The following SENP7 variants were observed in gnomAD, a reference collection of about 807,000 sequenced individuals.
The protein encoded by SENP7 is SUMO specific peptidase 7, also known as sentrin-specific protease 7.
Under a neutral mutation model 141.2 loss-of-function variants are expected in SENP7, and 64 were observed. The ratio of observed to expected loss-of-function variants is 0.45; its 90% confidence interval spans 0.37 to 0.56. The LOEUF is 0.56. Among genes scored for constraint, SENP7 ranks in the 20% least tolerant of loss-of-function variants. The pLI is 0.00. For synonymous variants in SENP7, 382 were observed against 426.4 expected (o/e 0.90, Z 1.28); for missense variants, 1,025 against 1,212.2 (o/e 0.85, Z 2.29).
chr3:101,497,119 G>A (rs957059798), intron 2 of SENP7, among the ~76,000 whole-genome samples: 7 of 152,180 alleles, frequency 4.6e-5, no homozygotes, highest in Non-Finnish European at 1.0e-4. Context: ...TAGATAATGA[G>A]AGACAGAAAA....
intron 3 of SENP7, among the ~76,000 whole-genome samples, chr3:101,467,310 A>G (rs2063795047): frequency 6.6e-6 from 1 of 152,246 alleles, no homozygotes; most frequent in Non-Finnish European, 1.5e-5. Flanking sequence ...TCCCTGTCTG[A>G]CAGCTCTGAA....
At chr3:101,430,857 T>G (rs1191510288) in intron 4 of SENP7, among the ~76,000 whole-genome samples, 1 of 152,232 alleles carries the variant, frequency 6.6e-6, no homozygotes, top group African/African-American at 2.4e-5. Flanking sequence ...TTTAAATGTG[T>G]CCCAGAGATT....
At chr3:101,403,308 T>C (rs917056512) in intron 5 of SENP7, among the ~76,000 whole-genome samples, 1 of 152,242 alleles carries the variant, frequency 6.6e-6, no homozygotes, top group African/African-American at 2.4e-5. Context: ...AATTTTACTA[T>C]TTTTCCCTAC....
chr3:101,415,838 T>C (rs1392904384), intron 5 of SENP7, among the ~76,000 whole-genome samples: 1 of 152,220 alleles, frequency 6.6e-6, no homozygotes, highest in Non-Finnish European at 1.5e-5. Context: ...AACTTATTAC[T>C]TGAAGTGATA....
intron 4 of SENP7, chr3:101,457,330 CT>C: frequency 7.1e-7 from 1 of 1,410,158 alleles, no homozygotes; most frequent in Non-Finnish European, 1.0e-6. Context: ...GCAAGTGGTG[CT>C]TTTCCATCCA....
chr3:101,486,490 T>G (rs2064734493), intron 3 of SENP7, among the ~76,000 whole-genome samples: 2 of 152,208 alleles, frequency 1.3e-5, no homozygotes, highest in South Asian at 4.1e-4. Flanking sequence ...ACAAGAATTC[T>G]GTATCCAACG....
chr3:101,394,637 C>T (rs1325589284), intron 6 of SENP7, among the ~76,000 whole-genome samples: 3 of 151,988 alleles, frequency 2.0e-5, no homozygotes, highest in African/African-American at 4.8e-5. Flanking sequence ...CTCAGCCTCC[C>T]GAGTAGCTGG....
chr3:101,492,361 C>G (rs1269564170), intron 3 of SENP7, among the ~76,000 whole-genome samples: 1 of 151,506 alleles, frequency 6.6e-6, no homozygotes, highest in South Asian at 2.1e-4. Context: ...GGTGACAGAG[C>G]AAGACCCTGT....
intron 5 of SENP7, among the ~76,000 whole-genome samples, chr3:101,404,779 C>T (rs1175314788): frequency 1.3e-5 from 2 of 152,142 alleles, no homozygotes; most frequent in African/African-American, 4.8e-5. Context: ...TGAACAGACA[C>T]GTTTCTAAAG....
At chr3:101,399,924 C>T (rs1484854372) in intron 5 of SENP7, among the ~76,000 whole-genome samples, 1 of 152,194 alleles carries the variant, frequency 6.6e-6, no homozygotes, top group African/African-American at 2.4e-5. Flanking sequence ...CTGCATCTAG[C>T]CTGGACTGTA....
intron 6 of SENP7, among the ~76,000 whole-genome samples, chr3:101,387,236 T>TA (rs1437287910): frequency 7.2e-5 from 11 of 152,078 alleles, no homozygotes; most frequent in South Asian, 2.1e-4. Context: ...GTCCAGGGAT[T>TA]AAAAAAATCA....
intron 17 of SENP7, among the ~76,000 whole-genome samples, chr3:101,336,655 T>A (rs1294864540): frequency 3.3e-5 from 5 of 152,196 alleles, no homozygotes; most frequent in African/African-American, 4.8e-5. Flanking sequence ...CACTAACTTT[T>A]AAAATAACAA....
rs888521737 is a variant in SENP7 at position 101,325,743 on chromosome 3, A to G, written c.*200T>C. 8.2e-6 allele frequency: 3 copies of G among 366,636 alleles called. No homozygotes were observed. In the East Asian group the frequency reaches 1.3e-4, roughly 15 times the overall value. 22.7% of individuals were successfully genotyped at this position (366,636 alleles called of 1,614,324 possible). A position where few individuals can be genotyped will look rare whatever the true frequency, so the allele number is the denominator to read the frequency against. On this transcript the variant is annotated 3_prime_UTR_variant, in exon 24 of 24. Coordinates refer to ENST00000394095, the MANE Select transcript of SENP7 (RefSeq NM_020654.5). ...TAATTTATATCTAGTAAGTTTATCT[A>G]TATCACCCCCATTCCCATTCCATCT...
intron 1 of SENP7, among the ~76,000 whole-genome samples, chr3:101,509,952 A>G (rs761274505): frequency 1.3e-5 from 2 of 151,718 alleles, no homozygotes; most frequent in Non-Finnish European, 2.9e-5. Flanking sequence ...CACAATGTCT[A>G]GTGCCTAAGT....
intron 13 of SENP7, 30 bp from the exon 14 acceptor site, chr3:101,343,984 T>C (rs1255691600): frequency 2.2e-6 from 3 of 1,360,104 alleles, no homozygotes; most frequent in Non-Finnish European, 3.0e-6. Flanking sequence ...TTTGTATCAA[T>C]AGTATTATTT....
At chr3:101,464,229 G>GA (rs2063684646) in intron 3 of SENP7, among the ~76,000 whole-genome samples, 1 of 152,126 alleles carries the variant, frequency 6.6e-6, no homozygotes, top group African/African-American at 2.4e-5. Context: ...AATTAAAAAA[G>GA]AAACAAATGG....
intron 5 of SENP7, among the ~76,000 whole-genome samples, chr3:101,401,243 T>C (rs1437591547): frequency 6.6e-6 from 1 of 151,970 alleles, no homozygotes; most frequent in East Asian, 1.9e-4. Flanking sequence ...AAAGTGCTAC[T>C]CCTGGCCAGG....
intron 12 of SENP7, among the ~76,000 whole-genome samples, chr3:101,350,886 G>A (rs1369240591): frequency 6.6e-6 from 1 of 151,794 alleles, no homozygotes; most frequent in East Asian, 1.9e-4. Context: ...GATACAGTAA[G>A]CAATCAAATT....
chr3:101,420,367 CA>C (rs11379581), intron 4 of SENP7, among the ~76,000 whole-genome samples: 90 of 145,118 alleles, frequency 6.2e-4, no homozygotes, highest in Non-Finnish European at 2.1e-4. Context: ...GACTCCGTCT[CA>C]AAAAAAAAAA....
Sources: allele counts gnomAD v4.1 joint callset (sites outside exome capture counted in the v4.1 genomes callset), GRCh38; gene constraint gnomAD v4.1.1; transcripts MANE v1.5; gene names NCBI Gene and HGNC (gene_info 2026-07-23, HGNC 2026-07-21).